Variants in CREBZF observed in about 807,000 individuals in gnomAD.
CREBZF encodes CREB/ATF bZIP transcription factor, also known as HCF-binding transcription factor Zhangfei.
A neutral mutation model predicts 21.1 loss-of-function variants in CREBZF; 8 were observed. The ratio of observed to expected loss-of-function variants is 0.38; its 90% confidence interval spans 0.22 to 0.68. The LOEUF (loss-of-function observed/expected upper bound fraction) is 0.68. CREBZF is among the 30% of genes least tolerant of loss of function. The pLI, the probability that CREBZF is intolerant of heterozygous loss-of-function variation, is 0.51. For missense variants in CREBZF, 518 were observed against 484.3 expected (o/e 1.07, Z -0.65); for synonymous variants, 270 against 223.3 (o/e 1.21, Z -1.86).
chr11:85,668,589 C>T (rs1421388468), upstream of CREBZF, among the ~76,000 whole-genome samples: 1 of 152,154 alleles, frequency 6.6e-6, no homozygotes, highest in Non-Finnish European at 1.5e-5. Context: ...AATAAAATAG[C>T]ACTTCCAGAT....
rs1565811210 is a variant in CREBZF, at chr11:85,665,042, CAAGGCGCGGGGA to C, written c.-179_-168del. 7 of 464,458 alleles carry C rather than the reference CAAGGCGCGGGGA, an allele frequency of 1.5e-5. No individual in the cohort carries two copies. The highest frequency in any genetic ancestry group is 6.1e-5 in the African/African-American group (3 of 49,252). The allele number at this position is 464,458 out of a possible 1,614,324, so 28.8% of individuals were successfully genotyped here. On this transcript the variant is annotated 5_prime_UTR_variant, in exon 1 of 1. Transcript: ENST00000527447. ...CACTTGGCTAGTCGACCCCCCGCGC[CAAGGCGCGGGGA>C]GGGACGGGAGAACGAAGCGGTGAGG...
rs944467947 is a variant in CREBZF at position 85,658,547 on chromosome 11, C to G, written c.*5264G>C. On this transcript the variant is annotated 3_prime_UTR_variant, in exon 1 of 1. Transcript: ENST00000527447. ...GACATTTAGTCATTTGTAGCTAACACCTGAAGTAAACTACCCTCAATCAAT... is the reference window on the plus strand; with the variant it reads ...GACATTTAGTCATTTGTAGCTAACAGCTGAAGTAAACTACCCTCAATCAAT... Among the ~76,000 whole-genome samples, 2 of 151,772 alleles carry G rather than the reference C, an allele frequency of 1.3e-5. No individual in the cohort carries two copies. Among genetic ancestry groups the G allele is most frequent in the Non-Finnish European group, 2.9e-5 (2 of 67,848 alleles).
At chr11:85,680,125 C>T (rs1157851136) in intron 1 of CREBZF, among the ~76,000 whole-genome samples, 4 of 152,136 alleles carry the variant, frequency 2.6e-5, no homozygotes, top group Non-Finnish European at 5.9e-5. Flanking sequence ...TGTTTGCATG[C>T]TAATACCCCT....
chr11:85,674,567 A>G (rs938922747), intron 1 of CREBZF, among the ~76,000 whole-genome samples: 34 of 152,254 alleles, frequency 2.2e-4, no homozygotes, highest in African/African-American at 8.2e-4. Context: ...AAAAGTCACC[A>G]GCTGCATTAG....
chr11:85,682,654 A>C, intron 1 of CREBZF: 1 of 384,842 alleles, frequency 2.6e-6, no homozygotes, highest in Non-Finnish European at 4.7e-6. Context: ...TATAACGTGG[A>C]GTCCCTGGAG....
At chr11:85,669,915 C>T (rs945397599), upstream of CREBZF, among the ~76,000 whole-genome samples, 8 of 152,184 alleles carry the variant, frequency 5.3e-5, no homozygotes, top group African/African-American at 1.7e-4. Flanking sequence ...TCAAGCGATT[C>T]TCCTGCCTCA....
At chr11:85,676,813 T>TC (rs1399821789) in intron 1 of CREBZF, among the ~76,000 whole-genome samples, 3 of 148,580 alleles carry the variant, frequency 2.0e-5, no homozygotes, top group Non-Finnish European at 3.0e-5. Flanking sequence ...AATTTTTCTT[T>TC]TTTTTTTTTT....
At position 85,665,110 on chromosome 11, in the gene CREBZF, C is replaced by T; in HGVS notation, c.-235G>A. On this transcript the variant is annotated 5_prime_UTR_variant, in exon 1 of 1. Transcript: ENST00000527447. ...CGATGACTCGACCGCGCCACCCAGACAACGGCGTAGCCGGAAGTCAGTGGT... is the reference window on the plus strand; with the variant it reads ...CGATGACTCGACCGCGCCACCCAGATAACGGCGTAGCCGGAAGTCAGTGGT... 1 of 418,552 alleles carries T rather than the reference C, an allele frequency of 2.4e-6. No individual in the cohort carries two copies. The highest frequency in any genetic ancestry group is 4.3e-6 in the Non-Finnish European group (1 of 230,244). The allele number at this position is 418,552 out of a possible 1,614,324, so 25.9% of individuals were successfully genotyped here.
Position 85,663,457 on chromosome 11 carries a change from A to T in CREBZF, c.*354T>A. The T allele has an allele frequency of 2.7e-6, 2 of 741,478 alleles. No homozygotes were observed. The highest frequency in any genetic ancestry group is 4.8e-6 in the Non-Finnish European group (2 of 416,732). 45.9% of individuals were successfully genotyped at this position (741,478 alleles called of 1,614,324 possible). ...AAAAAAATCACACACACACAAACTG[A>T]GATGTTGCCCATTAAAGTAGACAAA... is the stretch of plus-strand genomic sequence containing the variant. On this transcript the variant is annotated 3_prime_UTR_variant, in exon 1 of 1. Transcript: ENST00000527447.
chr11:85,661,339 G>T lies in CREBZF; in HGVS notation c.*2472C>A. ...TCACCAAAACTAGAAAAAAAAAAAT[G>T]AAATGGAAACTGAGAAAAGACAGTT... On this transcript the variant is annotated 3_prime_UTR_variant, in exon 1 of 1. Transcript: ENST00000527447. The T allele has an allele frequency of 6.6e-6, 1 of 151,630 alleles. No individual in the cohort carries two copies. Among genetic ancestry groups the T allele is most frequent in the Non-Finnish European group, 1.5e-5 (1 of 67,714 alleles). 9.4% of individuals were successfully genotyped at this position (151,630 alleles called of 1,614,324 possible).
intron 1 of CREBZF, among the ~76,000 whole-genome samples, chr11:85,676,218 C>A (rs2082941348): frequency 6.6e-6 from 1 of 152,118 alleles, no homozygotes; most frequent in Admixed American, 6.5e-5. Context: ...GAAGTTTGAG[C>A]ATGAAAGATT....
intron 1 of CREBZF, among the ~76,000 whole-genome samples, chr11:85,673,908 TA>T (rs1423602956): frequency 3.3e-5 from 5 of 152,218 alleles, no homozygotes; most frequent in African/African-American, 1.2e-4. Flanking sequence ...GGCTTATCCA[TA>T]AGAAGAAATT....
At position 85,658,092 on chromosome 11, in the gene CREBZF, T is replaced by TA. The variant is rs1182447036; in HGVS notation, c.*5718dup. 6.6e-6 allele frequency among the ~76,000 whole-genome samples: 1 copy of TA among 152,004 alleles called. No homozygotes were observed. The highest frequency in any genetic ancestry group is 1.9e-4 in the East Asian group (1 of 5,204). Reference sequence around the variant, plus strand: ...CATTTTACCTATATTCTGTCACTTTTACTAAAAGCAGAGTTCTACTCATCC... The same window carrying TA: ...CATTTTACCTATATTCTGTCACTTTTAACTAAAAGCAGAGTTCTACTCATCC... On this transcript the variant is annotated 3_prime_UTR_variant, in exon 1 of 1. Coordinates refer to ENST00000527447, the MANE Select transcript of CREBZF (RefSeq NM_001039618.4).
chr11:85,670,787 G>C (rs1036811295), intron 1 of CREBZF, among the ~76,000 whole-genome samples: 2 of 152,182 alleles, frequency 1.3e-5, no homozygotes, highest in Non-Finnish European at 2.9e-5. Flanking sequence ...ATATAGATTA[G>C]ATTGCGTCCC....
intron 1 of CREBZF, among the ~76,000 whole-genome samples, chr11:85,672,309 A>G (rs953646573): frequency 6.6e-6 from 1 of 152,188 alleles, no homozygotes; most frequent in African/African-American, 2.4e-5. Context: ...TGGGCCTGTC[A>G]TGGGTGGGGC....
At position 85,661,581 on chromosome 11, in the gene CREBZF, C is replaced by T. The variant is rs534639888; in HGVS notation, c.*2230G>A. ...TCAAATAATGCAGGAAAAGTATTGA[C>T]GTAAGGAAGAAAATACTCCAACAGA... is the stretch of plus-strand genomic sequence containing the variant. On this transcript the variant is annotated 3_prime_UTR_variant, in exon 1 of 1. Coordinates refer to ENST00000527447, the MANE Select transcript of CREBZF (RefSeq NM_001039618.4). 7.2e-5 allele frequency: 11 copies of T among 152,648 alleles called. 1 individual carries two copies. The South Asian group carries it at 2.3e-3, about 32-fold the overall frequency. 9.5% of individuals were successfully genotyped at this position (152,648 alleles called of 1,614,324 possible). A position where few individuals can be genotyped will look rare whatever the true frequency, so the allele number is the denominator to read the frequency against.
Position 85,662,387 on chromosome 11 carries a change from A to G in CREBZF, c.*1424T>C, listed in dbSNP as rs1235387401. 1 of 716,738 alleles carries G rather than the reference A, an allele frequency of 1.4e-6. No individual in the cohort carries two copies. The highest frequency in any genetic ancestry group is 1.7e-5 in the African/African-American group (1 of 57,226). 44.4% of individuals were successfully genotyped at this position (716,738 alleles called of 1,614,324 possible). A position where few individuals can be genotyped will look rare whatever the true frequency, so the allele number is the denominator to read the frequency against. On this transcript the variant is annotated 3_prime_UTR_variant, in exon 1 of 1. Transcript: ENST00000527447. Reference sequence around the variant, plus strand: ...CCTCTTTTTCCTCATTTCTTATACTACCTTTTAAAATAAAGCAGGAAATGT... The same window carrying G: ...CCTCTTTTTCCTCATTTCTTATACTGCCTTTTAAAATAAAGCAGGAAATGT...
rs191708797 is a variant in CREBZF at position 85,660,729 on chromosome 11, A to G, written c.*3082T>C. The stretch of plus-strand genomic sequence containing the variant: ...TTTTAACAAAAGTGGACTTTTTAAG[A>G]TAAGTCTGGTCAAAGAAGTGCAGAA... On this transcript the variant is annotated 3_prime_UTR_variant, in exon 1 of 1. Transcript: ENST00000527447. 12 of 379,046 alleles carry G rather than the reference A, an allele frequency of 3.2e-5. No homozygotes were observed. Among genetic ancestry groups the G allele is most frequent in the African/African-American group, 1.7e-4 (8 of 46,416 alleles). The allele number at this position is 379,046 out of a possible 1,614,324, so 23.5% of individuals were successfully genotyped here.
At chr11:85,674,034 C>T (rs1334548988) in intron 1 of CREBZF, among the ~76,000 whole-genome samples, 1 of 152,210 alleles carries the variant, frequency 6.6e-6, no homozygotes, top group African/African-American at 2.4e-5. Context: ...ATTTCCTCCA[C>T]TAAAGTCTTG....
Sources: allele counts gnomAD v4.1 joint callset (sites outside exome capture counted in the v4.1 genomes callset), GRCh38; gene constraint gnomAD v4.1.1; transcripts MANE v1.5; gene names NCBI Gene and HGNC (gene_info 2026-07-23, HGNC 2026-07-21).